Variants in MID1 observed in about 807,000 individuals in gnomAD.
The protein encoded by MID1 is E3 ubiquitin-protein ligase Midline-1.
In MID1, 7 loss-of-function variants were observed where a neutral mutation model predicts 40.4. The observed-to-expected ratio is 0.17, with a 90% CI of 0.10 to 0.33. MID1 has a LOEUF of 0.33. Among genes scored for constraint, MID1 ranks in the 10% least tolerant of loss-of-function variants. The probability of loss-of-function intolerance (pLI) is 1.00; values close to 1 mark genes in which losing one functional copy is unlikely to be tolerated. For missense variants in MID1, 367 were observed against 558.5 expected, an observed-to-expected ratio of 0.66 and a Z score of 3.46; for synonymous variants, 229 against 221.2, an observed-to-expected ratio of 1.04 and a Z score of -0.31.
intron 1 of MID1, among the ~76,000 whole-genome samples, chrX:10,737,696 G>A (rs1274315195): frequency 1.8e-5 from 2 of 109,721 alleles, no homozygotes; most frequent in Non-Finnish European, 1.9e-5. Flanking sequence ...GGATAGAGTG[G>A]AAGGAAGGGT....
chrX:10,474,941 G>A, intron 5 of MID1, 191 bp from the exon 6 acceptor site: 1 of 491,312 alleles, frequency 2.0e-6, no homozygotes, highest in Non-Finnish European at 3.6e-6. Context: ...AAAAAAAAGT[G>A]AAGGAATTGG....
At chrX:10,613,561 T>C (rs1404944357) in intron 1 of MID1, among the ~76,000 whole-genome samples, 1 of 106,630 alleles carries the variant, frequency 9.4e-6, no homozygotes, top group African/African-American at 3.4e-5. Context: ...AGATTCTATC[T>C]TGGCGATTAG....
At chrX:10,702,119 C>T (rs1324305084) in intron 1 of MID1, among the ~76,000 whole-genome samples, 2 of 112,591 alleles carry the variant, frequency 1.8e-5, no homozygotes, top group African/African-American at 6.5e-5. Flanking sequence ...GTGTCTAATT[C>T]CCAACTGCAC....
At chrX:10,693,045 T>C (rs959694567) in intron 1 of MID1, among the ~76,000 whole-genome samples, 1 of 111,757 alleles carries the variant, frequency 8.9e-6, no homozygotes, top group African/African-American at 3.2e-5. Flanking sequence ...CTGTTTCAAG[T>C]AGTTTACATA....
At position 10,447,179 on chromosome X, in the gene MID1, A is replaced by G. The variant is rs1260874855; in HGVS notation, c.*2189T>C. On this transcript the variant is annotated 3_prime_UTR_variant, in exon 10 of 10. Coordinates refer to ENST00000317552, the MANE Select transcript of MID1 (RefSeq NM_000381.4). The stretch of plus-strand genomic sequence containing the variant: ...GAGACTTCCACAACAAAATTATGAC[A>G]TAATCTCTCATGTCCTTATAAAAAT... 8.9e-6 allele frequency: 1 copy of G among 111,916 alleles called. No individual in the cohort carries two copies. Among genetic ancestry groups the G allele is most frequent in the East Asian group, 2.8e-4 (1 of 3,597 alleles). The allele number at this position is 111,916 out of a possible 1,213,427, so 9.2% of individuals were successfully genotyped here. A position where few individuals can be genotyped will look rare whatever the true frequency, so the allele number is the denominator to read the frequency against.
intron 1 of MID1, among the ~76,000 whole-genome samples, chrX:10,771,022 C>G (rs1213245830): frequency 2.8e-5 from 3 of 107,080 alleles, no homozygotes; most frequent in Non-Finnish European, 5.8e-5. Context: ...AGGAGAATGG[C>G]GTGAACCCGG....
At chrX:10,479,693 C>G (rs967391827) in intron 5 of MID1, among the ~76,000 whole-genome samples, 3 of 112,168 alleles carry the variant, frequency 2.7e-5, no homozygotes, top group Non-Finnish European at 5.6e-5. Context: ...TTATGGTTGA[C>G]TAGTACTCCA....
chrX:10,730,666 T>G (rs985511844), intron 1 of MID1, among the ~76,000 whole-genome samples: 4 of 105,965 alleles, frequency 3.8e-5, no homozygotes, highest in Admixed American at 3.1e-4. Context: ...CCGCCTCCCG[T>G]GTTCACGCCA....
chrX:10,625,026 C>T (rs12861190), upstream of MID1, among the ~76,000 whole-genome samples: 229 of 112,122 alleles, frequency 2.0e-3, 1 homozygote, highest in Middle Eastern at 4.6e-3. Context: ...TTATTTTTTA[C>T]TATAATTTTT....
At chrX:10,828,557 A>T (rs1261246335) in intron 1 of MID1, among the ~76,000 whole-genome samples, 6 of 112,282 alleles carry the variant, frequency 5.3e-5, no homozygotes, top group African/African-American at 1.9e-4. Context: ...GGAAATCTAC[A>T]TTGAGAAGAC....
chrX:10,803,542 G>A (rs1220076353), intron 1 of MID1, among the ~76,000 whole-genome samples: 6 of 110,046 alleles, frequency 5.5e-5, no homozygotes, highest in Admixed American at 3.9e-4. Context: ...TAGTAGAGAC[G>A]GGGTTTCATC....
intron 1 of MID1, among the ~76,000 whole-genome samples, chrX:10,583,614 T>C (rs1487490617): frequency 1.8e-5 from 2 of 112,640 alleles, no homozygotes; most frequent in Non-Finnish European, 3.7e-5. Context: ...TTATTTATTT[T>C]AGCAATAAAA....
rs138539785 is a variant in MID1 at position 10,830,708 on chromosome X, G to A, written c.-187+2846C>T. 7.2e-3 allele frequency among the ~76,000 whole-genome samples: 814 copies of A among 112,562 alleles called. 5 individuals carry two copies. The highest frequency in any genetic ancestry group is 0.025 in the African/African-American group (782 of 30,996). Reference sequence around the variant, plus strand: ...GCCAAACAAACCCTGATAGCAGTTTGAGAAAGGGAAGTATAAGCAATAACC... The same window carrying A: ...GCCAAACAAACCCTGATAGCAGTTTAAGAAAGGGAAGTATAAGCAATAACC... On this transcript the variant is annotated intron_variant, in intron 1 of 10. Coordinates refer to the MID1 transcript ENST00000380785.
chrX:10,671,172 C>T (rs187217422), intron 1 of MID1, among the ~76,000 whole-genome samples: 97 of 111,788 alleles, frequency 8.7e-4, no homozygotes, highest in African/African-American at 2.8e-3. Flanking sequence ...GTGGTTTGCT[C>T]CCGCCCCCAT....
At chrX:10,804,934 A>AG (rs1408376568) in intron 1 of MID1, among the ~76,000 whole-genome samples, 1 of 111,243 alleles carries the variant, frequency 9.0e-6, no homozygotes, top group East Asian at 2.8e-4. Flanking sequence ...GCTCTGGCCA[A>AG]GCACTAAGTA....
At chrX:10,557,887 G>A (rs955487569) in intron 2 of MID1, among the ~76,000 whole-genome samples, 2 of 111,282 alleles carry the variant, frequency 1.8e-5, no homozygotes, top group African/African-American at 6.5e-5. Context: ...TTGACAGGGT[G>A]GTGGTTTTTG....
intron 1 of MID1, among the ~76,000 whole-genome samples, chrX:10,749,452 A>G (rs2043583565): frequency 8.9e-6 from 1 of 112,220 alleles, no homozygotes; most frequent in Admixed American, 9.5e-5. Flanking sequence ...CACCTTGAAG[A>G]AAGAGGGGCA....
intron 2 of MID1, among the ~76,000 whole-genome samples, chrX:10,536,638 C>T (rs935650211): frequency 8.9e-6 from 1 of 112,537 alleles, no homozygotes; most frequent in African/African-American, 3.2e-5. Context: ...TGCAAAGTCT[C>T]ATCTTTTCTG....
chrX:10,726,732 C>G (rs989559051), intron 1 of MID1, among the ~76,000 whole-genome samples: 6 of 112,594 alleles, frequency 5.3e-5, no homozygotes, highest in Admixed American at 2.8e-4. Context: ...ATGTTTCCAA[C>G]TTGAGCGTCC....
Sources: allele counts gnomAD v4.1 joint callset (sites outside exome capture counted in the v4.1 genomes callset), GRCh38; gene constraint gnomAD v4.1.1; transcripts MANE v1.5; gene names NCBI Gene and HGNC (gene_info 2026-07-23, HGNC 2026-07-21).